FNDC3A: variants seen among roughly 807,000 people sequenced by gnomAD.
The protein encoded by FNDC3A is fibronectin type III domain containing 3A, also known as fibronectin type-III domain-containing protein 3A.
FNDC3A carries 32 observed loss-of-function variants against 148.9 expected under a neutral mutation model. That is an observed-to-expected ratio of 0.21 (90% CI 0.16 to 0.29). The LOEUF (loss-of-function observed/expected upper bound fraction) is 0.29. Among genes scored for constraint, FNDC3A ranks in the 10% least tolerant of loss-of-function variants. The pLI is 1.00. For synonymous variants in FNDC3A, 472 were observed against 473.6 expected, an observed-to-expected ratio of 1.00 and a Z score of 0.04; for missense variants, 1,191 against 1,452.8, an observed-to-expected ratio of 0.82 and a Z score of 2.93.
intron 2 of FNDC3A, among the ~76,000 whole-genome samples, chr13:49,026,023 T>C (rs554945930): frequency 6.6e-6 from 1 of 152,308 alleles, no homozygotes; most frequent in African/African-American, 2.4e-5. Context: ...GTATAAATGT[T>C]TACTAGTAGG....
chr13:49,072,857 T>G (rs1877793857), intron 2 of FNDC3A, among the ~76,000 whole-genome samples: 1 of 96,720 alleles, frequency 1.0e-5, no homozygotes, highest in African/African-American at 2.8e-5. Flanking sequence ...TCTAAGAGTA[T>G]TTTGGTGGAG....
intron 2 of FNDC3A, among the ~76,000 whole-genome samples, chr13:49,033,812 C>CA (rs1874301544): frequency 1.3e-5 from 2 of 151,548 alleles, no homozygotes; most frequent in African/African-American, 4.8e-5. Context: ...AATGTAGGTG[C>CA]TGATAGAGTA....
chr13:49,124,980 G>A (rs190734952), intron 4 of FNDC3A, among the ~76,000 whole-genome samples: 148 of 152,276 alleles, frequency 9.7e-4, no homozygotes, highest in Non-Finnish European at 1.8e-4. Context: ...CTGCCTTTCT[G>A]GTAATGGCTC....
At chr13:49,000,056 G>A (rs1952097718) in intron 1 of FNDC3A, among the ~76,000 whole-genome samples, 1 of 152,098 alleles carries the variant, frequency 6.6e-6, no homozygotes, top group South Asian at 2.1e-4. Flanking sequence ...TGTTGATTGT[G>A]TTTTCTGATG....
chr13:49,155,305 T>A (rs1175856539), intron 8 of FNDC3A, among the ~76,000 whole-genome samples: 7 of 151,518 alleles, frequency 4.6e-5, no homozygotes, highest in Non-Finnish European at 4.4e-5. Flanking sequence ...TTTATTTGCG[T>A]AGAGGTGTTT....
At chr13:49,155,312 G>A (rs1416715752) in intron 8 of FNDC3A, among the ~76,000 whole-genome samples, 3 of 151,520 alleles carry the variant, frequency 2.0e-5, no homozygotes, top group Non-Finnish European at 4.4e-5. Flanking sequence ...GCGTAGAGGT[G>A]TTTGTAGTAT....
chr13:49,140,939 G>A (rs1314863663), intron 7 of FNDC3A, among the ~76,000 whole-genome samples: 3 of 152,178 alleles, frequency 2.0e-5, no homozygotes, highest in Non-Finnish European at 4.4e-5. Context: ...TGGGCATTGA[G>A]GACAGGGGTG....
intron 2 of FNDC3A, among the ~76,000 whole-genome samples, chr13:49,073,347 A>G (rs1405909548): frequency 6.6e-6 from 1 of 152,148 alleles, no homozygotes; most frequent in Non-Finnish European, 1.5e-5. Context: ...GTAATTTACA[A>G]AAGAGCTGGT....
At chr13:49,075,267 A>T in intron 2 of FNDC3A, 22 bp from the exon 3 acceptor site, 1 of 1,445,126 alleles carries the variant, frequency 6.9e-7, no homozygotes, top group Non-Finnish European at 9.7e-7. Context: ...TTTGATTAAT[A>T]CTTCTTCCCC....
At chr13:49,110,507 T>A (rs1343693449) in intron 3 of FNDC3A, 1 of 809,898 alleles carries the variant, frequency 1.2e-6, no homozygotes, top group Non-Finnish European at 2.2e-6. Context: ...AGATGCTAAA[T>A]ATCATCGCCA....
chr13:49,138,623 G>A (rs948226728), intron 6 of FNDC3A, 124 bp from the exon 7 acceptor site: 1 of 542,878 alleles, frequency 1.8e-6, no homozygotes, highest in Non-Finnish European at 3.3e-6. Context: ...TATGAACAAA[G>A]GAATAAAAAC....
At chr13:49,128,821 C>CT (rs967135687) in intron 4 of FNDC3A, among the ~76,000 whole-genome samples, 16 of 152,228 alleles carry the variant, frequency 1.1e-4, no homozygotes, top group African/African-American at 3.6e-4. Flanking sequence ...GGGCTTTATT[C>CT]TAACTGTTCC....
At chr13:49,055,860 T>C (rs927685885) in intron 2 of FNDC3A, among the ~76,000 whole-genome samples, 2 of 152,108 alleles carry the variant, frequency 1.3e-5, no homozygotes, top group African/African-American at 2.4e-5. Context: ...GGCCACTAGT[T>C]ACTCATATTT....
intron 3 of FNDC3A, among the ~76,000 whole-genome samples, chr13:49,096,358 C>G (rs1351173272): frequency 2.0e-5 from 3 of 152,038 alleles, no homozygotes; most frequent in Non-Finnish European, 2.9e-5. Context: ...TGAAGATGTT[C>G]ATTCACTTTT....
At chr13:49,053,961 CAT>C (rs780433400) in intron 2 of FNDC3A, among the ~76,000 whole-genome samples, 1 of 152,170 alleles carries the variant, frequency 6.6e-6, no homozygotes, top group Non-Finnish European at 1.5e-5. Context: ...GCTCTGCTGT[CAT>C]GTGATGCTAC....
intron 11 of FNDC3A, among the ~76,000 whole-genome samples, chr13:49,172,865 AC>A (rs762076621): frequency 6.6e-5 from 10 of 152,200 alleles, no homozygotes; most frequent in East Asian, 1.9e-4. Context: ...ATTGTTTAGT[AC>A]AGGGGTGTCC....
intron 8 of FNDC3A, among the ~76,000 whole-genome samples, chr13:49,152,987 A>G (rs1024561729): frequency 6.7e-6 from 1 of 150,322 alleles, no homozygotes; most frequent in Non-Finnish European, 1.5e-5. Flanking sequence ...ATACGTGTGC[A>G]TGTGTCTTTA....
chr13:49,096,939 G>T (rs1024750455), intron 3 of FNDC3A, among the ~76,000 whole-genome samples: 1 of 152,044 alleles, frequency 6.6e-6, no homozygotes, highest in African/African-American at 2.4e-5. Flanking sequence ...CGAGACAGAA[G>T]GAACAGCATG....
In FNDC3A at chr13:49,129,268, G is replaced by A. The variant is rs144295119; in HGVS notation, c.253-1869G>A. On this transcript the variant is annotated intron_variant, in intron 4 of 25. Transcript: ENST00000492622. ...ATAATTGCATAAATAAAAGTACAGG[G>A]TATAGAAATGTATAGTCACTGTGAA... is the stretch of plus-strand genomic sequence containing the variant. 3.2e-3 allele frequency among the ~76,000 whole-genome samples: 493 copies of A among 152,310 alleles called. 7 individuals carry two copies. Among genetic ancestry groups the A allele is most frequent in the Non-Finnish European group, 1.0e-3 (68 of 68,020 alleles).
Sources: allele counts gnomAD v4.1 joint callset (sites outside exome capture counted in the v4.1 genomes callset), GRCh38; gene constraint gnomAD v4.1.1; transcripts MANE v1.5; gene names NCBI Gene and HGNC (gene_info 2026-07-23, HGNC 2026-07-21).